The following PUDP variants were observed in gnomAD, a reference collection of about 807,000 sequenced individuals.
The protein encoded by PUDP is pseudouridine-5'-phosphatase.
PUDP carries 8 observed loss-of-function variants against 9.4 expected under a neutral mutation model. The ratio of observed to expected loss-of-function variants is 0.85; its 90% CI spans 0.50 to 1.53. The LOEUF is 1.53. Among genes scored for constraint, PUDP ranks in the 40% most tolerant of loss-of-function variants. The probability of loss-of-function intolerance (pLI) is 0.00; values close to 1 mark genes in which losing one functional copy is unlikely to be tolerated. For missense variants in PUDP, 188 were observed against 189.7 expected (o/e 0.99, Z 0.05); for synonymous variants, 99 against 80.7 (o/e 1.23, Z -1.22).
intron 3 of PUDP, among the ~76,000 whole-genome samples, chrX:6,759,376 G>C (rs759406422): frequency 2.7e-5 from 3 of 112,354 alleles, no homozygotes; most frequent in South Asian, 3.7e-4. Context: ...ATAGAAAGTA[G>C]ATTCTAACAT....
chrX:7,072,977 G>A (rs979062283), intron 3 of PUDP, among the ~76,000 whole-genome samples: 1 of 111,345 alleles, frequency 9.0e-6, no homozygotes, highest in Admixed American at 9.5e-5. Context: ...CTCCCAGCTT[G>A]GTCGCTCAAG....
chrX:6,773,202 C>T (rs1925396075), intron 3 of PUDP, among the ~76,000 whole-genome samples: 1 of 111,993 alleles, frequency 8.9e-6, no homozygotes, highest in Admixed American at 9.5e-5. Flanking sequence ...GTTACTCTAA[C>T]TCTGAGGATG....
chrX:7,026,218 T>C (rs972500766), intron 1 of PUDP, among the ~76,000 whole-genome samples: 18 of 111,868 alleles, frequency 1.6e-4, no homozygotes, highest in Non-Finnish European at 3.0e-4. Context: ...GGCACGGTAG[T>C]GATGGGAAGA....
Position 7,077,533 on chromosome X carries a change from G to A in PUDP, c.281-84C>T, listed in dbSNP as rs1602754643. The A allele has an allele frequency of 1.4e-5, 10 of 713,227 alleles. No homozygotes were observed. In the East Asian group the frequency reaches 3.4e-4, roughly 24 times the overall value. The allele number at this position is 713,227 out of a possible 1,213,427, so 58.8% of individuals were successfully genotyped here. ...TTGCAGGGACAGTCCCTCCAGCTGT[G>A]TGGCAGCACACTCTCAGGCTGCTCC... On this transcript the variant is annotated intron_variant, in intron 2 of 3. Transcript: ENST00000381077.
rs151188559 is a variant in PUDP, at chrX:7,019,747, G to A, written c.205-41404C>T. On this transcript the variant is annotated intron_variant and NMD_transcript_variant, in intron 1 of 3. Transcript: ENST00000655425. ...CACTCCATCCGGGGCATGGGGTTGG[G>A]TAATCACCCTATTAGTCACCCTACG... 7.2e-5 allele frequency among the ~76,000 whole-genome samples: 8 copies of A among 111,424 alleles called. No individual in the cohort carries two copies. In the East Asian group the frequency reaches 2.3e-3, roughly 32 times the overall value.
At chrX:6,815,565 A>G (rs1016363044) in intron 3 of PUDP, among the ~76,000 whole-genome samples, 1 of 111,642 alleles carries the variant, frequency 9.0e-6, no homozygotes, top group Admixed American at 9.6e-5. Flanking sequence ...ACCTTGCCAA[A>G]TCAGAATCTC....
At chrX:6,750,794 G>A (rs1445190624) in intron 3 of PUDP, among the ~76,000 whole-genome samples, 1 of 111,820 alleles carries the variant, frequency 8.9e-6, no homozygotes, top group Non-Finnish European at 1.9e-5. Context: ...ATACAAAGAT[G>A]ATCTCTGAAC....
At chrX:6,954,885 C>CT (rs747665127) in intron 3 of PUDP, among the ~76,000 whole-genome samples, 168 of 112,125 alleles carry the variant, frequency 1.5e-3, no homozygotes, top group African/African-American at 5.0e-3. Context: ...CACTGGGGCT[C>CT]TATCACACGG....
chrX:6,951,309 T>C (rs1230482651), intron 3 of PUDP, among the ~76,000 whole-genome samples: 4 of 110,286 alleles, frequency 3.6e-5, no homozygotes, highest in Non-Finnish European at 7.6e-5. Context: ...CATCCATCCA[T>C]TATATCTACC....
chrX:6,817,012 CA>C (rs1293086200), intron 3 of PUDP, among the ~76,000 whole-genome samples: 3 of 90,878 alleles, frequency 3.3e-5, no homozygotes, highest in Admixed American at 1.3e-4. Context: ...AATATATATA[CA>C]CATATAGTAT....
chrX:6,718,399 A>G (rs908407548), intron 1 of PUDP, among the ~76,000 whole-genome samples: 11 of 112,378 alleles, frequency 9.8e-5, no homozygotes, highest in African/African-American at 3.6e-4. Flanking sequence ...ATTCCATGGA[A>G]TATTTACTAC....
intron 2 of PUDP, among the ~76,000 whole-genome samples, chrX:7,087,177 T>C (rs1277537121): frequency 1.8e-5 from 2 of 111,952 alleles, no homozygotes; most frequent in Admixed American, 1.9e-4. Context: ...CAAGTTATTA[T>C]GAGGCCATAC....
At chrX:7,089,250 T>G (rs1321699306) in intron 2 of PUDP, among the ~76,000 whole-genome samples, 1 of 111,559 alleles carries the variant, frequency 9.0e-6, no homozygotes, top group Non-Finnish European at 1.9e-5. Context: ...GAAATGTTGG[T>G]GTTTAAGAGT....
chrX:6,906,393 A>G, intron 3 of PUDP, among the ~76,000 whole-genome samples: 1 of 112,503 alleles, frequency 8.9e-6, no homozygotes, highest in East Asian at 2.8e-4. Flanking sequence ...AGATAAAGAA[A>G]TGATTATGTA....
intron 3 of PUDP, among the ~76,000 whole-genome samples, chrX:6,956,206 C>T (rs771749084): frequency 1.8e-5 from 2 of 111,680 alleles, no homozygotes; most frequent in African/African-American, 6.5e-5. Flanking sequence ...CATGCCACCA[C>T]GCCCAGCTAA....
In PUDP at chrX:6,853,680, T is replaced by A. The variant is rs927857265; in HGVS notation, c.*247+123453A>T. Among the ~76,000 whole-genome samples the A allele has an allele frequency of 1.1e-4, 12 of 111,782 alleles. No individual in the cohort carries two copies. The South Asian group carries it at 2.3e-3, about 21-fold the overall frequency. ...ACCACCAATCTCCTTTCCATCTCTGTAGATTTGTCAATTATAGATATTTCA... is the reference window on the plus strand; with the variant it reads ...ACCACCAATCTCCTTTCCATCTCTGAAGATTTGTCAATTATAGATATTTCA... On this transcript the variant is annotated intron_variant and NMD_transcript_variant, in intron 3 of 3. Transcript: ENST00000655425.
chrX:7,089,551 T>C (rs1396472544), intron 2 of PUDP, among the ~76,000 whole-genome samples: 2 of 111,344 alleles, frequency 1.8e-5, no homozygotes, highest in Non-Finnish European at 3.8e-5. Flanking sequence ...TGTGGTGTTT[T>C]AGCTCTTCGT....
chrX:6,852,803 G>C (rs765206436), intron 3 of PUDP, among the ~76,000 whole-genome samples: 1 of 111,482 alleles, frequency 9.0e-6, no homozygotes, highest in African/African-American at 3.3e-5. Context: ...GGTATCACCC[G>C]GAGTTCTTTG....
At chrX:7,003,465 T>G (rs1929357344) in intron 1 of PUDP, among the ~76,000 whole-genome samples, 1 of 111,474 alleles carries the variant, frequency 9.0e-6, no homozygotes, top group Non-Finnish European at 1.9e-5. Flanking sequence ...ATAGTTAGTA[T>G]AAAACAACAC....
Sources: allele counts gnomAD v4.1 joint callset (sites outside exome capture counted in the v4.1 genomes callset), GRCh38; gene constraint gnomAD v4.1.1; transcripts MANE v1.5; gene names NCBI Gene and HGNC (gene_info 2026-07-23, HGNC 2026-07-21).